The following HIBCH variants were observed in gnomAD, a reference collection of about 807,000 sequenced individuals.
The protein encoded by HIBCH is 3-hydroxyisobutyryl-CoA hydrolase, also known as 3-hydroxyisobutyryl-CoA hydrolase, mitochondrial.
HIBCH carries 50 observed loss-of-function variants against 58.2 expected under a neutral mutation model. The ratio of observed to expected loss-of-function variants is 0.86; its 90% CI spans 0.68 to 1.09. The LOEUF is 1.09. HIBCH is among the 50% of genes least tolerant of loss of function. The pLI is 0.00. For missense variants in HIBCH, 450 were observed against 449.7 expected (o/e 1.00, Z -0.01); for synonymous variants, 151 against 146.9 (o/e 1.03, Z -0.20).
intron 6 of HIBCH, among the ~76,000 whole-genome samples, chr2:190,267,264 G>A (rs1028925689): frequency 7.9e-5 from 12 of 151,884 alleles, no homozygotes; most frequent in Admixed American, 7.9e-4. Context: ...GAGCACAGTG[G>A]CGTGACCTTG....
At chr2:190,294,177 G>A (rs1167088627) in intron 4 of HIBCH, among the ~76,000 whole-genome samples, 1 of 151,586 alleles carries the variant, frequency 6.6e-6, no homozygotes, top group East Asian at 1.9e-4. Context: ...AGAATGGCAA[G>A]TCAACATGGC....
At chr2:190,234,623 G>A (rs1388239583) in intron 11 of HIBCH, among the ~76,000 whole-genome samples, 1 of 152,128 alleles carries the variant, frequency 6.6e-6, no homozygotes, top group African/African-American at 2.4e-5. Context: ...GCCAAGGCGG[G>A]TGGATCAACT....
intron 4 of HIBCH, among the ~76,000 whole-genome samples, chr2:190,290,763 T>G (rs891824969): frequency 5.9e-5 from 9 of 152,340 alleles, no homozygotes; most frequent in African/African-American, 1.9e-4. Flanking sequence ...GGCTCAAACC[T>G]GTAATCGCAG....
intron 7 of HIBCH, among the ~76,000 whole-genome samples, chr2:190,259,327 G>GTGTGTGTGTGTGTGTC (rs1687020930): frequency 1.1e-5 from 1 of 89,654 alleles, no homozygotes; most frequent in Admixed American, 1.2e-4. Context: ...AGATGTGTGT[G>GTGTGTGTGTGTGTGTC]TGTGTGTGTG....
At chr2:190,249,827 A>T (rs1686711843) in intron 8 of HIBCH, 101 bp from the exon 9 acceptor site, 1 of 799,744 alleles carries the variant, frequency 1.3e-6, no homozygotes, top group Admixed American at 2.2e-5. Context: ...TTGACTTTAA[A>T]TTATGAAGCT....
chr2:190,217,526 G>C lies in HIBCH; in HGVS notation c.892-4451C>G, dbSNP rs895619718. ...ACTGGAAAAAGACCTCCTGGGTTAA[G>C]GCCATATTTAAGCAGGACTACTAAC... On this transcript the variant is annotated intron_variant, in intron 11 of 13. Transcript: ENST00000359678. The surrounding 1 kb of genome is among the most constrained non-coding windows in gnomAD (Gnocchi z 4.6). Among the ~76,000 whole-genome samples, 4 of 152,096 alleles carry C rather than the reference G, an allele frequency of 2.6e-5. No individual in the cohort carries two copies. Among genetic ancestry groups the C allele is most frequent in the Non-Finnish European group, 4.4e-5 (3 of 68,028 alleles).
chr2:190,275,134 T>C (rs913470754), intron 6 of HIBCH, among the ~76,000 whole-genome samples: 10 of 152,168 alleles, frequency 6.6e-5, no homozygotes, highest in Non-Finnish European at 4.4e-5. Flanking sequence ...TGCCATATTT[T>C]GAGTTAGGTT....
At chr2:190,292,706 ACTAT>A (rs1465248699) in intron 4 of HIBCH, among the ~76,000 whole-genome samples, 1 of 152,204 alleles carries the variant, frequency 6.6e-6, no homozygotes, top group Non-Finnish European at 1.5e-5. Flanking sequence ...ACAAAAAATG[ACTAT>A]CTTTGTTTAT....
intron 6 of HIBCH, among the ~76,000 whole-genome samples, chr2:190,285,663 C>CCTACCTACCTAGGCT (rs566139716): frequency 0.013 from 1,954 of 152,088 alleles, 52 homozygotes; most frequent in African/African-American, 0.044. Flanking sequence ...CCTCATACTA[C>CCTACCTACCTAGGCT]CTACCTACCT....
intron 3 of HIBCH, among the ~76,000 whole-genome samples, chr2:190,295,596 C>T (rs1159987481): frequency 2.0e-5 from 3 of 152,270 alleles, no homozygotes; most frequent in East Asian, 1.9e-4. Flanking sequence ...AAATATGTAA[C>T]GCACAAGGAA....
chr2:190,318,401 G>A (rs983389817), intron 1 of HIBCH, among the ~76,000 whole-genome samples: 7 of 152,174 alleles, frequency 4.6e-5, no homozygotes, highest in Non-Finnish European at 8.8e-5. Context: ...ATGGCCCAAG[G>A]CCTTTTTTCC....
intron 6 of HIBCH, among the ~76,000 whole-genome samples, chr2:190,263,917 T>C (rs897565919): frequency 6.6e-6 from 1 of 151,868 alleles, no homozygotes; most frequent in Non-Finnish European, 1.5e-5. Context: ...ATCTATGAAC[T>C]ATCCTGAGAG....
downstream of HIBCH, chr2:190,200,061 G>GA (rs755253873): frequency 1.7e-5 from 27 of 1,613,956 alleles, no homozygotes; most frequent in Non-Finnish European, 2.1e-5. Flanking sequence ...GCCTGTCTCA[G>GA]GATATCTTGT....
chr2:190,308,351 G>C (rs372581250), intron 2 of HIBCH, among the ~76,000 whole-genome samples: 5 of 152,242 alleles, frequency 3.3e-5, no homozygotes, highest in East Asian at 1.9e-4. Flanking sequence ...GCTATGGTTC[G>C]AGTATTTGCC....
intron 7 of HIBCH, among the ~76,000 whole-genome samples, chr2:190,256,472 TC>T (rs1686928739): frequency 6.7e-6 from 1 of 149,160 alleles, no homozygotes; most frequent in African/African-American, 2.5e-5. Context: ...TAATAATAAA[TC>T]TTACAACACT....
At chr2:190,299,865 G>C (rs1282850352) in intron 2 of HIBCH, among the ~76,000 whole-genome samples, 2 of 151,944 alleles carry the variant, frequency 1.3e-5, no homozygotes, top group South Asian at 2.1e-4. Context: ...TTTCCTCTTT[G>C]TGTCCATGTG....
In HIBCH at chr2:190,302,676, T is replaced by C. The variant is rs529531773; in HGVS notation, c.79-5723A>G. ...AAGGGAGGAGGTATTACAAGGTGTG[T>C]CCAAGCTCTCATTCCATCTTGGCCA... is the stretch of plus-strand genomic sequence containing the variant. On this transcript the variant is annotated intron_variant, in intron 2 of 13. Coordinates refer to ENST00000359678, the MANE Select transcript of HIBCH (RefSeq NM_014362.4). Among the ~76,000 whole-genome samples the C allele has an allele frequency of 3.9e-5, 6 of 152,276 alleles. No homozygotes were observed. In the East Asian group the frequency reaches 9.6e-4, roughly 24 times the overall value.
chr2:190,231,362 T>C (rs1686091252), intron 11 of HIBCH, among the ~76,000 whole-genome samples: 1 of 152,102 alleles, frequency 6.6e-6, no homozygotes, highest in South Asian at 2.1e-4. Flanking sequence ...TCAGACTTCC[T>C]CAAAATTAAA....
rs1685586260 is a variant in HIBCH, at chr2:190,217,415, T to C, written c.892-4340A>G. On this transcript the variant is annotated intron_variant, in intron 11 of 13. Transcript: ENST00000359678. The surrounding 1 kb of genome is among the most constrained non-coding windows in gnomAD (Gnocchi z 4.6). ...AGGAGAATAGCTTGAACCCAGGAGA[T>C]GGAGGTTGCAGTGAGTTGAGATCAC... Among the ~76,000 whole-genome samples, 1 of 152,090 alleles carries C rather than the reference T, an allele frequency of 6.6e-6. No homozygotes were observed. The highest frequency in any genetic ancestry group is 1.5e-5 in the Non-Finnish European group (1 of 68,010).
Sources: allele counts gnomAD v4.1 joint callset (sites outside exome capture counted in the v4.1 genomes callset), GRCh38; gene constraint gnomAD v4.1.1; non-coding constraint Gnocchi (gnomAD v3.1); transcripts MANE v1.5; gene names NCBI Gene and HGNC (gene_info 2026-07-23, HGNC 2026-07-21).